SLC37A3: variants seen among roughly 807,000 people sequenced by gnomAD.
SLC37A3 encodes the protein solute carrier family 37 member 3.
Under a neutral mutation model 67.1 loss-of-function variants are expected in SLC37A3, and 51 were observed. That is an observed-to-expected ratio of 0.76 (90% CI 0.61 to 0.96). SLC37A3 has a LOEUF of 0.96. Among genes scored for constraint, SLC37A3 ranks in the 40% least tolerant of loss-of-function variants. The pLI is 0.00. For synonymous variants in SLC37A3, 214 were observed against 231.4 expected, an observed-to-expected ratio of 0.92 and a Z score of 0.68; for missense variants, 508 against 603.0, an observed-to-expected ratio of 0.84 and a Z score of 1.65.
At chr7:140,356,180 C>A (rs577921573) in intron 6 of SLC37A3, among the ~76,000 whole-genome samples, 1 of 140,746 alleles carries the variant, frequency 7.1e-6, no homozygotes, top group African/African-American at 2.6e-5. Context: ...GACAACAAAG[C>A]GAGACTCCAC....
At chr7:140,387,685 A>AC (rs1798515949) in intron 1 of SLC37A3, among the ~76,000 whole-genome samples, 1 of 112,426 alleles carries the variant, frequency 8.9e-6, no homozygotes, top group African/African-American at 3.5e-5. Flanking sequence ...ATATAAATAT[A>AC]TTATATATAT....
intron 1 of SLC37A3, among the ~76,000 whole-genome samples, chr7:140,393,893 G>A (rs967343681): frequency 3.3e-5 from 5 of 152,096 alleles, no homozygotes; most frequent in South Asian, 2.1e-4. Context: ...TTTTTGGGCC[G>A]GGCGCGATGG....
At chr7:140,359,520 C>A (rs552524208) in intron 5 of SLC37A3, among the ~76,000 whole-genome samples, 1 of 152,134 alleles carries the variant, frequency 6.6e-6, no homozygotes, top group Non-Finnish European at 1.5e-5. Flanking sequence ...AGGCACGGGG[C>A]GCATGCCAGC....
At chr7:140,368,680 G>A (rs1377632005) in intron 4 of SLC37A3, among the ~76,000 whole-genome samples, 4 of 152,158 alleles carry the variant, frequency 2.6e-5, no homozygotes, top group Non-Finnish European at 4.4e-5. Flanking sequence ...CCAAGTGTCT[G>A]CTCTTCATCA....
At chr7:140,340,814 C>A (rs1027211388) in intron 13 of SLC37A3, among the ~76,000 whole-genome samples, 2 of 152,026 alleles carry the variant, frequency 1.3e-5, no homozygotes, top group Admixed American at 6.6e-5. Flanking sequence ...ACCTGCAGTC[C>A]AAGCTACTTG....
intron 1 of SLC37A3, among the ~76,000 whole-genome samples, chr7:140,387,307 C>CA (rs973283437): frequency 2.0e-5 from 3 of 150,970 alleles, no homozygotes; most frequent in African/African-American, 4.9e-5. Flanking sequence ...CCCATCTCTA[C>CA]AAAAAAATAC....
At position 140,369,618 on chromosome 7, in the gene SLC37A3, T is replaced by A; in HGVS notation, c.263A>T (p.Asp88Val). Residue 88 changes from aspartate to valine, a missense_variant, in exon 4 of 15, where the codon GAT becomes GTT. Coordinates refer to ENST00000326232, the MANE Select transcript of SLC37A3 (RefSeq NM_207113.3). ...EKATLFLGTL[D>V]TIFLFSYAVG... ...AGCATAGGAGAAGAGGAAAATGGTATCCAGTGTGCCGAGGAAAAGAGTCGC... is the reference window on the plus strand; with the variant it reads ...AGCATAGGAGAAGAGGAAAATGGTAACCAGTGTGCCGAGGAAAAGAGTCGC... 1 of 1,614,078 alleles carries A rather than the reference T, an allele frequency of 6.2e-7. No homozygotes were observed. The highest frequency in any genetic ancestry group is 8.5e-7 in the Non-Finnish European group (1 of 1,179,990).
chr7:140,343,234 G>C (rs1031237336), intron 13 of SLC37A3, among the ~76,000 whole-genome samples, 178 bp downstream of exon 13: 8 of 152,170 alleles, frequency 5.3e-5, no homozygotes, highest in African/African-American at 1.9e-4. Flanking sequence ...AAACAATGGA[G>C]AGTCCTTCTA....
chr7:140,380,719 T>C (rs1384362914), intron 2 of SLC37A3, among the ~76,000 whole-genome samples: 8 of 151,930 alleles, frequency 5.3e-5, no homozygotes, highest in Non-Finnish European at 1.0e-4. Context: ...CCTGTCATCT[T>C]AGCTACTTAG....
intron 2 of SLC37A3, 111 bp downstream of exon 2, chr7:140,382,327 A>G: frequency 1.1e-6 from 1 of 869,620 alleles, no homozygotes; most frequent in Non-Finnish European, 1.8e-6. Context: ...CAGAAGGAAT[A>G]ACTAACATTA....
chr7:140,394,736 G>C (rs985554507), intron 1 of SLC37A3, among the ~76,000 whole-genome samples: 6 of 151,454 alleles, frequency 4.0e-5, no homozygotes, highest in Non-Finnish European at 8.8e-5. Context: ...AGCCTCTTGA[G>C]TAGCTGGGAC....
At chr7:140,374,628 A>G (rs1797952436) in intron 3 of SLC37A3, among the ~76,000 whole-genome samples, 1 of 152,024 alleles carries the variant, frequency 6.6e-6, no homozygotes, top group Non-Finnish European at 1.5e-5. Flanking sequence ...ATCCCTTGAG[A>G]CCAGGAGCTC....
At chr7:140,358,488 C>G in intron 6 of SLC37A3, 152 bp downstream of exon 6, 1 of 1,046,442 alleles carries the variant, frequency 9.6e-7, no homozygotes, top group South Asian at 1.5e-5. Context: ...CGCACACTGA[C>G]GTGAAACCCT....
chr7:140,343,311 C>T (rs1796429976), intron 13 of SLC37A3, 101 bp downstream of exon 13: 1 of 1,528,094 alleles, frequency 6.5e-7, no homozygotes, highest in African/African-American at 1.4e-5. Context: ...CAGCGTTCTA[C>T]AGCACAAGAG....
intron 3 of SLC37A3, among the ~76,000 whole-genome samples, chr7:140,374,694 A>G (rs1797955157): frequency 6.6e-6 from 1 of 151,990 alleles, no homozygotes; most frequent in South Asian, 2.1e-4. Flanking sequence ...AAATAAAAAT[A>G]AATTAGCTGG....
chr7:140,348,942 G>C (rs1457318256), intron 9 of SLC37A3, among the ~76,000 whole-genome samples, 175 bp from the exon 10 acceptor site: 1 of 152,186 alleles, frequency 6.6e-6, no homozygotes, highest in Non-Finnish European at 1.5e-5. Flanking sequence ...GTCTCCCTCT[G>C]CTCTTCATCC....
chr7:140,351,964 G>A lies in SLC37A3; in HGVS notation c.703+98C>T, dbSNP rs997836074. The stretch of plus-strand genomic sequence containing the variant: ...TTTCACTCACTAAAAGGAGCTCAGA[G>A]TTTTCCTAGGAAAAAAGAGATTCGA... On this transcript the variant is annotated intron_variant, in intron 8 of 14. Transcript: ENST00000326232. 3 of 1,232,666 alleles carry A rather than the reference G, an allele frequency of 2.4e-6. No individual in the cohort carries two copies. In the African/African-American group the frequency reaches 4.4e-5, roughly 18 times the overall value. The allele number at this position is 1,232,666 out of a possible 1,614,324, so 76.4% of individuals were successfully genotyped here.
At chr7:140,366,592 A>C (rs1481026975) in intron 4 of SLC37A3, among the ~76,000 whole-genome samples, 1 of 152,182 alleles carries the variant, frequency 6.6e-6, no homozygotes, top group Non-Finnish European at 1.5e-5. Flanking sequence ...AAAAAGGTTA[A>C]ATTCTACTTC....
intron 3 of SLC37A3, among the ~76,000 whole-genome samples, chr7:140,375,764 C>G (rs773640736): frequency 1.4e-4 from 22 of 152,226 alleles, no homozygotes; most frequent in Non-Finnish European, 2.8e-4. Flanking sequence ...TAAGTGGCCT[C>G]TGGCACCAAT....
Sources: allele counts gnomAD v4.1 joint callset (sites outside exome capture counted in the v4.1 genomes callset), GRCh38; gene constraint gnomAD v4.1.1; transcripts MANE v1.5; gene names NCBI Gene and HGNC (gene_info 2026-07-23, HGNC 2026-07-21).